The following KCNN3 variants were observed in gnomAD, a reference collection of about 807,000 sequenced individuals.
The protein encoded by KCNN3 is small conductance calcium-activated potassium channel protein 3.
Under a neutral mutation model 62.9 loss-of-function variants are expected in KCNN3, and 16 were observed. That is an observed-to-expected ratio of 0.25 (90% CI 0.17 to 0.39). The LOEUF (loss-of-function observed/expected upper bound fraction) is 0.39, where lower values mean the gene tolerates loss of function less well. KCNN3 is among the 10% of genes least tolerant of loss of function. The pLI, the probability that KCNN3 is intolerant of heterozygous loss-of-function variation, is 1.00. For synonymous variants in KCNN3, 370 were observed against 389.2 expected (o/e 0.95, Z 0.58); for missense variants, 599 against 949.4 (o/e 0.63, Z 4.85).
chr1:154,747,879 G>A (rs1001255943), intron 3 of KCNN3, among the ~76,000 whole-genome samples: 12 of 152,092 alleles, frequency 7.9e-5, no homozygotes, highest in African/African-American at 1.4e-4. Flanking sequence ...CCCCACCTCC[G>A]AGCTTCCCTC....
chr1:154,849,018 C>T (rs1571336529), intron 1 of KCNN3, among the ~76,000 whole-genome samples: 1 of 152,164 alleles, frequency 6.6e-6, no homozygotes, highest in Admixed American at 6.5e-5. Flanking sequence ...GACCTTTCCC[C>T]GACAGCAAAC....
At chr1:154,822,299 C>T in intron 1 of KCNN3, 115 bp from the exon 2 acceptor site, 1 of 795,740 alleles carries the variant, frequency 1.3e-6, no homozygotes, top group Non-Finnish European at 2.2e-6. Flanking sequence ...TGTTACCAGC[C>T]CCTCCTAGGA....
chr1:154,822,982 G>A (rs1428026490), intron 1 of KCNN3, among the ~76,000 whole-genome samples: 1 of 152,206 alleles, frequency 6.6e-6, no homozygotes, highest in East Asian at 1.9e-4. Context: ...CCTGACCTTG[G>A]AACGCCCACT....
intron 3 of KCNN3, chr1:154,737,213 G>GC (rs367739144): frequency 2.5e-5 from 7 of 274,692 alleles, no homozygotes; most frequent in Admixed American, 2.0e-4. Flanking sequence ...ATTTGGGGGG[G>GC]GGGGATAGCT....
chr1:154,818,239 C>A (rs1237947287), intron 2 of KCNN3, among the ~76,000 whole-genome samples: 1 of 152,176 alleles, frequency 6.6e-6, no homozygotes, highest in Non-Finnish European at 1.5e-5. Context: ...CATCTTCCAA[C>A]AATGGAGGCT....
At chr1:154,796,038 CGAT>C (rs1371356555) in intron 2 of KCNN3, among the ~76,000 whole-genome samples, 1 of 152,094 alleles carries the variant, frequency 6.6e-6, no homozygotes, top group Non-Finnish European at 1.5e-5. Flanking sequence ...ACAGCTGTGA[CGAT>C]GAGGTGAGGT....
intron 3 of KCNN3, among the ~76,000 whole-genome samples, chr1:154,767,075 C>T (rs1339592477): frequency 6.6e-6 from 1 of 152,018 alleles, no homozygotes; most frequent in Admixed American, 6.6e-5. Context: ...TGTGGTCTTG[C>T]TTCCTGCTGC....
At chr1:154,708,690 C>G (rs1700013237) in intron 7 of KCNN3, among the ~76,000 whole-genome samples, 1 of 151,988 alleles carries the variant, frequency 6.6e-6, no homozygotes, top group African/African-American at 2.4e-5. Context: ...TAGGCCAGGG[C>G]TCAAGTACAC....
intron 2 of KCNN3, among the ~76,000 whole-genome samples, chr1:154,801,347 A>T (rs1649946902): frequency 6.6e-6 from 1 of 152,014 alleles, no homozygotes; most frequent in Non-Finnish European, 1.5e-5. Flanking sequence ...TTCTATCCAC[A>T]ATCATTAGGG....
At chr1:154,810,652 C>A (rs528351087) in intron 2 of KCNN3, among the ~76,000 whole-genome samples, 2 of 152,224 alleles carry the variant, frequency 1.3e-5, no homozygotes, top group Non-Finnish European at 2.9e-5. Flanking sequence ...GGAGCCACCA[C>A]AAGGCACAGC....
intron 3 of KCNN3, among the ~76,000 whole-genome samples, chr1:154,748,230 C>T (rs1700981979): frequency 6.6e-6 from 1 of 152,116 alleles, no homozygotes; most frequent in African/African-American, 2.4e-5. Flanking sequence ...GCTCTCACAG[C>T]TGCTGTCTGT....
At chr1:154,839,884 A>G (rs1651756464) in intron 1 of KCNN3, among the ~76,000 whole-genome samples, 1 of 152,184 alleles carries the variant, frequency 6.6e-6, no homozygotes, top group South Asian at 2.1e-4. Context: ...TGGCTCTCAG[A>G]TGACACCCCA....
intron 2 of KCNN3, among the ~76,000 whole-genome samples, chr1:154,796,235 T>C (rs1649730522): frequency 1.3e-5 from 2 of 152,238 alleles, no homozygotes. Flanking sequence ...CATAAATTCT[T>C]ATTGCCAGGT....
Position 154,704,243 on chromosome 1 carries a change from G to A in KCNN3, c.*3733C>T, listed in dbSNP as rs979609265. On this transcript the variant is annotated 3_prime_UTR_variant, in exon 8 of 8. Transcript: ENST00000271915. ...TGGCCCCTGCTGAGGTCGGTCAGTGGTGACTTGGGGCCTTCCCCCCTTGTT... is the reference window on the plus strand; with the variant it reads ...TGGCCCCTGCTGAGGTCGGTCAGTGATGACTTGGGGCCTTCCCCCCTTGTT... 1 of 152,234 alleles carries A rather than the reference G, an allele frequency of 6.6e-6. No homozygotes were observed. Among genetic ancestry groups the A allele is most frequent in the South Asian group, 2.1e-4 (1 of 4,830 alleles). The allele number at this position is 152,234 out of a possible 1,614,324, so 9.4% of individuals were successfully genotyped here. A position where few individuals can be genotyped will look rare whatever the true frequency, so the allele number is the denominator to read the frequency against.
At chr1:154,815,837 G>A (rs563285449) in intron 2 of KCNN3, among the ~76,000 whole-genome samples, 32 of 152,266 alleles carry the variant, frequency 2.1e-4, no homozygotes, top group African/African-American at 5.1e-4. Flanking sequence ...AAGACGCAAC[G>A]TGAGTTGTCC....
At chr1:154,767,198 G>A (rs1648336357) in intron 3 of KCNN3, among the ~76,000 whole-genome samples, 1 of 152,124 alleles carries the variant, frequency 6.6e-6, no homozygotes, top group Admixed American at 6.5e-5. Context: ...GAGAAAGAAT[G>A]GGCCACAAAT....
intron 1 of KCNN3, among the ~76,000 whole-genome samples, chr1:154,866,622 T>C (rs1250262818): frequency 6.6e-6 from 1 of 152,156 alleles, no homozygotes; most frequent in Non-Finnish European, 1.5e-5. Context: ...ACTCAAAACA[T>C]GGATGGACAG....
chr1:154,743,309 C>T (rs1009688348), intron 3 of KCNN3, among the ~76,000 whole-genome samples: 2 of 152,190 alleles, frequency 1.3e-5, no homozygotes, highest in Admixed American at 6.5e-5. Flanking sequence ...TCTGCCTGGG[C>T]GACGCTTGCC....
intron 2 of KCNN3, among the ~76,000 whole-genome samples, chr1:154,774,484 T>A (rs6666341): frequency 0.34 from 51,019 of 152,190 alleles, 8,986 homozygotes; most frequent in Middle Eastern, 0.49. Flanking sequence ...TAAAGTCTCA[T>A]CCAGCTCCGA....
Sources: gnomAD v4.1 joint callset for allele counts (sites outside exome capture counted in the v4.1 genomes callset) on GRCh38, gnomAD v4.1.1 for gene constraint, MANE v1.5 for transcripts, NCBI Gene and HGNC (gene_info 2026-07-23, HGNC 2026-07-21) for gene names.